Variants in FHAD1 observed in about 807,000 individuals in gnomAD.
The protein encoded by FHAD1 is forkhead associated phosphopeptide binding domain 1, also known as forkhead-associated domain-containing protein 1.
Under a neutral mutation model 191.3 loss-of-function variants are expected in FHAD1, and 146 were observed. That is an observed-to-expected ratio of 0.76 (90% CI 0.67 to 0.88). The LOEUF is 0.88. Ranked by LOEUF, FHAD1 falls within the 40% of genes least tolerant of loss-of-function variation. The probability of loss-of-function intolerance (pLI) is 0.00; values close to 1 mark genes in which losing one functional copy is unlikely to be tolerated. For missense variants in FHAD1, 1,635 were observed against 1,785.8 expected (o/e 0.92, Z 1.52); for synonymous variants, 616 against 672.3 (o/e 0.92, Z 1.29).
At chr1:15,255,833 G>A (rs1430666766) in intron 2 of FHAD1, among the ~76,000 whole-genome samples, 3 of 152,234 alleles carry the variant, frequency 2.0e-5, no homozygotes, top group Non-Finnish European at 4.4e-5. Flanking sequence ...GTCAGAGTGG[G>A]AAGGGGGAGA....
In FHAD1 at chr1:15,282,371, G is replaced by A. The variant is rs188676279; in HGVS notation, c.301-7028G>A. Among the ~76,000 whole-genome samples, 48 of 152,268 alleles carry A rather than the reference G, an allele frequency of 3.2e-4. 1 individual carries two copies. Among genetic ancestry groups the A allele is most frequent in the Admixed American group, 2.9e-3 (44 of 15,294 alleles). ...TTATAAATAATAACAAAATATGCAG[G>A]ACTCTTTATGGCAAATTTATCATAA... On this transcript the variant is annotated intron_variant, in intron 3 of 33. Transcript: ENST00000688493.
chr1:15,358,581 G>A (rs940992199), intron 21 of FHAD1, among the ~76,000 whole-genome samples: 5 of 152,230 alleles, frequency 3.3e-5, no homozygotes, highest in Non-Finnish European at 5.9e-5. Flanking sequence ...GGTTTAGAAC[G>A]AAATGTACAC....
chr1:15,341,649 A>G (rs1686724493), intron 15 of FHAD1, 87 bp from the exon 16 acceptor site: 10 of 1,182,272 alleles, frequency 8.5e-6, no homozygotes, highest in African/African-American at 1.6e-5. Context: ...GTACCCAGAA[A>G]GGTAAACAAT....
chr1:15,259,924 G>T (rs1285048658), intron 2 of FHAD1, among the ~76,000 whole-genome samples: 4 of 152,214 alleles, frequency 2.6e-5, no homozygotes, highest in Admixed American at 2.6e-4. Flanking sequence ...AAGATCCGGA[G>T]GTGTTGCTTG....
At chr1:15,304,929 C>T (rs1196267776) in intron 6 of FHAD1, among the ~76,000 whole-genome samples, 1 of 148,636 alleles carries the variant, frequency 6.7e-6, no homozygotes, top group African/African-American at 2.4e-5. Flanking sequence ...TGGCCAGGTG[C>T]AGGGCACACC....
At chr1:15,252,173 G>C (rs189745927) in intron 2 of FHAD1, among the ~76,000 whole-genome samples, 1 of 152,176 alleles carries the variant, frequency 6.6e-6, no homozygotes, top group Admixed American at 6.5e-5. Context: ...GGCTTATCCC[G>C]AGAGGGTTCT....
rs913553074 is a variant in FHAD1, at chr1:15,289,685, A to T, written c.568+19A>T. Reference sequence around the variant, plus strand: ...AAGCAAGGTATGCGTCAGGGCTGCCATTGGTGGCTTGGGGGTGGTTCACGG... The same window carrying T: ...AAGCAAGGTATGCGTCAGGGCTGCCTTTGGTGGCTTGGGGGTGGTTCACGG... On this transcript the variant is annotated intron_variant, in intron 4 of 33. Coordinates refer to ENST00000688493, the MANE Select transcript of FHAD1 (RefSeq NM_001391957.1). This position sits in a 1 kb window ranked among gnomAD's most constrained non-coding sequence, Gnocchi z 4.2. 5 of 1,537,040 alleles carry T rather than the reference A, an allele frequency of 3.3e-6. No individual in the cohort carries two copies. Among genetic ancestry groups the T allele is most frequent in the East Asian group, 4.9e-5 (2 of 40,510 alleles).
At chr1:15,322,078 TA>T (rs1211619418) in intron 10 of FHAD1, among the ~76,000 whole-genome samples, 2 of 152,362 alleles carry the variant, frequency 1.3e-5, no homozygotes, top group East Asian at 3.9e-4. Context: ...TCCTTTGATT[TA>T]CAGCAGTTTT....
intron 31 of FHAD1, among the ~76,000 whole-genome samples, chr1:15,385,510 G>C (rs1346309675): frequency 6.6e-6 from 1 of 152,162 alleles, no homozygotes; most frequent in Non-Finnish European, 1.5e-5. Flanking sequence ...TTCCAGCTGG[G>C]CAGGGTAGCT....
intron 18 of FHAD1, among the ~76,000 whole-genome samples, chr1:15,347,802 C>G (rs1275328558): frequency 6.6e-6 from 1 of 152,210 alleles, no homozygotes; most frequent in Non-Finnish European, 1.5e-5. Flanking sequence ...TTAAGGTCAA[C>G]AGAATCACTA....
At chr1:15,374,193 A>C (rs1020648323) in intron 26 of FHAD1, among the ~76,000 whole-genome samples, 16 of 152,236 alleles carry the variant, frequency 1.1e-4, no homozygotes, top group African/African-American at 3.9e-4. Flanking sequence ...CAGAAACAAG[A>C]CCAGCATGAC....
At chr1:15,399,416 A>AT (rs1309803174), downstream of FHAD1, among the ~76,000 whole-genome samples, 1 of 152,050 alleles carries the variant, frequency 6.6e-6, no homozygotes, top group Admixed American at 6.6e-5. Context: ...GAAACTTAAA[A>AT]ATTAGCTGGC....
chr1:15,356,871 C>CAA (rs55899016), intron 20 of FHAD1, among the ~76,000 whole-genome samples: 8 of 137,364 alleles, frequency 5.8e-5, no homozygotes, highest in Non-Finnish European at 7.9e-5. Context: ...GACTCCATCT[C>CAA]AAAAAAAAAA....
chr1:15,279,893 A>G (rs906507256), intron 3 of FHAD1, among the ~76,000 whole-genome samples: 20 of 151,522 alleles, frequency 1.3e-4, no homozygotes, highest in African/African-American at 4.8e-4. Context: ...GAGGAAAAAC[A>G]AAAAAAAAGC....
intron 4 of FHAD1, among the ~76,000 whole-genome samples, chr1:15,294,588 T>C (rs2100736225): frequency 6.6e-6 from 1 of 152,310 alleles, no homozygotes; most frequent in East Asian, 1.9e-4. Flanking sequence ...AGTTGGAGTT[T>C]CGCCATGTTG....
intron 14 of FHAD1, among the ~76,000 whole-genome samples, chr1:15,333,637 A>T (rs190482199): frequency 6.6e-6 from 1 of 152,052 alleles, no homozygotes; most frequent in Non-Finnish European, 1.5e-5. Context: ...CAGTCTATTC[A>T]TCGCCATCCT....
chr1:15,242,229 TCTA>T (rs1178279869), upstream of FHAD1, among the ~76,000 whole-genome samples: 1 of 44,742 alleles, frequency 2.2e-5, no homozygotes, highest in African/African-American at 1.7e-4. Flanking sequence ...CAAGACTCCA[TCTA>T]AAAAAAAAAA....
chr1:15,310,444 T>A (rs1671914162), intron 7 of FHAD1, among the ~76,000 whole-genome samples: 2 of 152,088 alleles, frequency 1.3e-5, no homozygotes. Context: ...CCTGCCCTCC[T>A]CCCCAGCGTC....
At chr1:15,392,498 C>G (rs1007719589) in intron 33 of FHAD1, among the ~76,000 whole-genome samples, 3 of 152,046 alleles carry the variant, frequency 2.0e-5, no homozygotes, top group African/African-American at 2.4e-5. Flanking sequence ...CGCCACTGCA[C>G]TCCAGCCTGG....
Sources: allele counts gnomAD v4.1 joint callset (sites outside exome capture counted in the v4.1 genomes callset), GRCh38; gene constraint gnomAD v4.1.1; non-coding constraint Gnocchi (gnomAD v3.1); transcripts MANE v1.5; gene names NCBI Gene and HGNC (gene_info 2026-07-23, HGNC 2026-07-21).